Variants in MERTK observed in about 807,000 individuals in gnomAD.
MERTK encodes the protein tyrosine-protein kinase Mer.
MERTK carries 69 observed loss-of-function variants against 99.3 expected under a neutral mutation model. That is an observed-to-expected ratio of 0.70 (90% CI 0.57 to 0.85). MERTK has a LOEUF of 0.85. Among genes scored for constraint, MERTK ranks in the 40% least tolerant of loss-of-function variants. The pLI is 0.00. For synonymous variants in MERTK, 426 were observed against 467.6 expected (o/e 0.91, Z 1.15); for missense variants, 1,125 against 1,249.4 (o/e 0.90, Z 1.50).
At chr2:111,960,536 A>G (rs568680082) in intron 4 of MERTK, among the ~76,000 whole-genome samples, 9 of 151,836 alleles carry the variant, frequency 5.9e-5, no homozygotes, top group Non-Finnish European at 1.3e-4. Context: ...CAGCAAAGAA[A>G]TTGCTCTTCC....
At chr2:111,910,749 C>T (rs1038042143) in intron 1 of MERTK, among the ~76,000 whole-genome samples, 14 of 151,886 alleles carry the variant, frequency 9.2e-5, no homozygotes, top group Non-Finnish European at 1.6e-4. Context: ...AGTTAAACAC[C>T]ACATGTCCTC....
intron 2 of MERTK, among the ~76,000 whole-genome samples, chr2:111,936,948 A>C (rs1383749813): frequency 6.6e-6 from 1 of 152,158 alleles, no homozygotes; most frequent in African/African-American, 2.4e-5. Context: ...ACACTCCAGA[A>C]GGGCAGCAGC....
chr2:112,003,344 AT>A (rs1676908464), intron 12 of MERTK, 157 bp downstream of exon 12: 3 of 530,442 alleles, frequency 5.7e-6, no homozygotes, highest in Admixed American at 3.2e-5. Flanking sequence ...TAGACTATTG[AT>A]TTTTGAAACT....
At chr2:111,947,657 C>A in intron 4 of MERTK, 90 bp downstream of exon 4, 1 of 1,428,702 alleles carries the variant, frequency 7.0e-7, no homozygotes, top group Non-Finnish European at 9.8e-7. Context: ...CACTAGCAGG[C>A]AGTGGAGACA....
At chr2:112,001,669 C>T (rs1676872708) in intron 11 of MERTK, among the ~76,000 whole-genome samples, 1 of 152,236 alleles carries the variant, frequency 6.6e-6, no homozygotes, top group African/African-American at 2.4e-5. Context: ...GATTTGCCAA[C>T]ATGCTTTATA....
At chr2:111,974,568 G>A (rs969330107) in intron 6 of MERTK, among the ~76,000 whole-genome samples, 6 of 151,834 alleles carry the variant, frequency 4.0e-5, no homozygotes. Context: ...TCAGGAGTTC[G>A]AGGCCAGCAT....
intron 4 of MERTK, among the ~76,000 whole-genome samples, chr2:111,951,240 A>G (rs921801436): frequency 2.6e-5 from 4 of 151,962 alleles, no homozygotes; most frequent in African/African-American, 9.7e-5. Context: ...CAATTTTGTT[A>G]ACTGTGCTGT....
intron 4 of MERTK, among the ~76,000 whole-genome samples, chr2:111,960,182 A>G (rs1327127924): frequency 6.6e-6 from 1 of 152,158 alleles, no homozygotes; most frequent in Non-Finnish European, 1.5e-5. Flanking sequence ...TTCCAGAGAC[A>G]GAAAATTCCA....
At chr2:111,989,556 C>T (rs913708521) in intron 8 of MERTK, among the ~76,000 whole-genome samples, 3 of 152,098 alleles carry the variant, frequency 2.0e-5, no homozygotes, top group Admixed American at 6.5e-5. Flanking sequence ...AGGGTTTCAC[C>T]GTGTTAGCCA....
chr2:111,953,481 G>C (rs1299947861), intron 4 of MERTK, among the ~76,000 whole-genome samples: 1 of 152,148 alleles, frequency 6.6e-6, no homozygotes, highest in Non-Finnish European at 1.5e-5. Context: ...AGGCCTGGAG[G>C]AGTAATCATA....
At chr2:111,903,021 C>G (rs1015570224) in intron 1 of MERTK, among the ~76,000 whole-genome samples, 1 of 152,042 alleles carries the variant, frequency 6.6e-6, no homozygotes, top group Non-Finnish European at 1.5e-5. Context: ...TCAGGTGATC[C>G]GCCTACCTCA....
At chr2:111,940,233 C>T (rs749021684) in intron 2 of MERTK, 15 of 255,026 alleles carry the variant, frequency 5.9e-5, no homozygotes, top group Non-Finnish European at 1.1e-4. Context: ...CCAAACATGC[C>T]GGAAGTATAC....
intron 8 of MERTK, among the ~76,000 whole-genome samples, chr2:111,985,969 C>T (rs1304565016): frequency 6.6e-6 from 1 of 152,172 alleles, no homozygotes; most frequent in East Asian, 1.9e-4. Context: ...TGATGATGCT[C>T]AAGCTTTGTT....
intron 6 of MERTK, among the ~76,000 whole-genome samples, chr2:111,970,180 G>C (rs1159379920): frequency 1.4e-5 from 2 of 146,464 alleles, no homozygotes; most frequent in Non-Finnish European, 3.0e-5. Context: ...AATTTGAGAC[G>C]TAGTCTCGCT....
In MERTK at chr2:111,997,490, C is replaced by T; in HGVS notation, c.1604+14C>T. 1 of 1,612,508 alleles carries T rather than the reference C, an allele frequency of 6.2e-7. No individual in the cohort carries two copies. The highest frequency in any genetic ancestry group is 8.5e-7 in the Non-Finnish European group (1 of 1,179,926). The stretch of plus-strand genomic sequence containing the variant: ...GACAAAGTTTGGGTAAGTCTCCCAG[C>T]TAAAAATGTTTGCCCACTGGTATTG... On this transcript the variant is annotated intron_variant, in intron 10 of 18. Transcript: ENST00000295408.
chr2:112,012,012 T>G (rs1677115492), intron 15 of MERTK, among the ~76,000 whole-genome samples: 3 of 152,126 alleles, frequency 2.0e-5, no homozygotes, highest in African/African-American at 7.2e-5. Flanking sequence ...AGTGGGGGCA[T>G]AGGGGCAGGA....
intron 15 of MERTK, among the ~76,000 whole-genome samples, chr2:112,012,593 T>C (rs1029282547): frequency 6.6e-6 from 1 of 152,172 alleles, no homozygotes; most frequent in Non-Finnish European, 1.5e-5. Context: ...TGTTGGGAAT[T>C]GGTAGGCCAG....
At chr2:111,992,968 A>C (rs1028352754) in intron 8 of MERTK, among the ~76,000 whole-genome samples, 2 of 151,948 alleles carry the variant, frequency 1.3e-5, no homozygotes, top group African/African-American at 4.8e-5. Flanking sequence ...CTGAGCCCAC[A>C]CCCTGTGGGA....
At chr2:111,937,116 TG>T (rs1378792560) in intron 2 of MERTK, among the ~76,000 whole-genome samples, 3 of 152,116 alleles carry the variant, frequency 2.0e-5, no homozygotes, top group Non-Finnish European at 4.4e-5. Context: ...AAAGCTGGAA[TG>T]ATTCTACTGT....
Sources: gnomAD v4.1 joint callset for allele counts (sites outside exome capture counted in the v4.1 genomes callset) on GRCh38, gnomAD v4.1.1 for gene constraint, MANE v1.5 for transcripts, NCBI Gene and HGNC (gene_info 2026-07-23, HGNC 2026-07-21) for gene names.